The following AMOTL1 variants were observed in gnomAD, a reference collection of about 807,000 sequenced individuals.
AMOTL1 encodes the protein angiomotin-like protein 1.
Under a neutral mutation model 102.9 loss-of-function variants are expected in AMOTL1, and 45 were observed. The ratio of observed to expected loss-of-function variants is 0.44; its 90% CI spans 0.34 to 0.56. AMOTL1 has a LOEUF of 0.56. Among genes scored for constraint, AMOTL1 ranks in the 20% least tolerant of loss-of-function variants. The probability of loss-of-function intolerance (pLI) is 0.01; values close to 1 mark genes in which losing one functional copy is unlikely to be tolerated. For missense variants in AMOTL1, 1,114 were observed against 1,225.6 expected (o/e 0.91, Z 1.36); for synonymous variants, 481 against 484.7 (o/e 0.99, Z 0.10).
intron 1 of AMOTL1, among the ~76,000 whole-genome samples, chr11:94,714,643 T>G (rs957284109): frequency 2.6e-5 from 4 of 152,118 alleles, no homozygotes; most frequent in Admixed American, 2.6e-4. Flanking sequence ...TCTTTGAAAT[T>G]GTTGAATTTA....
intron 3 of AMOTL1, among the ~76,000 whole-genome samples, chr11:94,742,797 T>C (rs1357615696): frequency 2.6e-5 from 4 of 152,082 alleles, no homozygotes; most frequent in Non-Finnish European, 5.9e-5. Context: ...AACTGGCAGG[T>C]TCAGTGTCTG....
chr11:94,869,115 A>C, intron 11 of AMOTL1, 83 bp from the exon 12 acceptor site: 1 of 1,405,856 alleles, frequency 7.1e-7, no homozygotes, highest in East Asian at 2.5e-5. Flanking sequence ...ATCATCAATC[A>C]ACAAGGAACA....
intron 3 of AMOTL1, among the ~76,000 whole-genome samples, chr11:94,810,349 A>G (rs1381633526): frequency 6.6e-6 from 1 of 152,208 alleles, no homozygotes; most frequent in Non-Finnish European, 1.5e-5. Flanking sequence ...TGGGTCTCCA[A>G]AAAGAGAACT....
At chr11:94,861,464 C>T (rs373382571) in intron 9 of AMOTL1, among the ~76,000 whole-genome samples, 7 of 152,170 alleles carry the variant, frequency 4.6e-5, no homozygotes, top group Non-Finnish European at 1.0e-4. Flanking sequence ...CTGCTGTCCA[C>T]GGTTGCCCTG....
intron 6 of AMOTL1, among the ~76,000 whole-genome samples, chr11:94,847,698 C>T (rs1952445067): frequency 7.2e-6 from 1 of 139,400 alleles, no homozygotes; most frequent in Non-Finnish European, 1.5e-5. Context: ...TGTTTAGCTA[C>T]AATATGATAC....
intron 1 of AMOTL1, among the ~76,000 whole-genome samples, chr11:94,793,059 C>T (rs1319104054): frequency 6.6e-6 from 1 of 152,146 alleles, no homozygotes; most frequent in Non-Finnish European, 1.5e-5. Context: ...TCTTTATACA[C>T]ATATTCATAT....
chr11:94,774,814 C>T (rs1253383772), intron 1 of AMOTL1, among the ~76,000 whole-genome samples: 1 of 152,188 alleles, frequency 6.6e-6, no homozygotes, highest in Non-Finnish European at 1.5e-5. Flanking sequence ...AGATGCTTAC[C>T]CTTTGGAATG....
Position 94,850,007 on chromosome 11 carries a change from A to G in AMOTL1, c.1649-107A>G, listed in dbSNP as rs1952498201. On this transcript the variant is annotated intron_variant, in intron 6 of 12. Coordinates refer to ENST00000433060, the MANE Select transcript of AMOTL1 (RefSeq NM_130847.3). ...AGAAACAGCAATTCAGTCCTCCATT[A>G]TTTGCATGCTTTTTTATTTTTAATC... 13 of 1,271,342 alleles carry G rather than the reference A, an allele frequency of 1.0e-5. No individual in the cohort carries two copies. In the Admixed American group the frequency reaches 1.3e-4, roughly 13 times the overall value. 78.8% of individuals were successfully genotyped at this position (1,271,342 alleles called of 1,614,324 possible).
At position 94,869,526 on chromosome 11, in the gene AMOTL1, C is replaced by T. The variant is rs890720502; in HGVS notation, c.2764+53C>T. On this transcript the variant is annotated intron_variant, in intron 12 of 12. Coordinates refer to ENST00000433060, the MANE Select transcript of AMOTL1 (RefSeq NM_130847.3). ...CCTGAAAACTGTGGAACTGTCTGGC[C>T]TAAGAGAATCTTTTGTTGAGCTAGA... 3.3e-6 allele frequency: 5 copies of T among 1,504,600 alleles called. No homozygotes were observed. The African/African-American group carries it at 6.9e-5, about 21-fold the overall frequency. 93.2% of individuals were successfully genotyped at this position (1,504,600 alleles called of 1,614,324 possible). A position where few individuals can be genotyped will look rare whatever the true frequency, so the allele number is the denominator to read the frequency against.
intron 1 of AMOTL1, among the ~76,000 whole-genome samples, chr11:94,724,447 A>G (rs538996524): frequency 2.0e-5 from 3 of 152,286 alleles, no homozygotes; most frequent in Admixed American, 2.0e-4. Flanking sequence ...GCTCCTTATC[A>G]CTGGTAGTAT....
At chr11:94,833,185 G>A (rs988733277) in intron 6 of AMOTL1, among the ~76,000 whole-genome samples, 3 of 152,198 alleles carry the variant, frequency 2.0e-5, no homozygotes, top group African/African-American at 7.2e-5. Flanking sequence ...GGATCTCAGT[G>A]TCGATATGTA....
intron 6 of AMOTL1, among the ~76,000 whole-genome samples, chr11:94,837,331 G>A (rs889894603): frequency 4.3e-4 from 65 of 152,184 alleles, no homozygotes; most frequent in African/African-American, 1.5e-3. Flanking sequence ...GCTAACCAGT[G>A]ACAGGAAATG....
chr11:94,762,222 G>A (rs1950802417), intron 3 of AMOTL1, among the ~76,000 whole-genome samples: 1 of 152,188 alleles, frequency 6.6e-6, no homozygotes, highest in African/African-American at 2.4e-5. Flanking sequence ...GCTGCTATTA[G>A]TATGCAATTA....
At chr11:94,822,003 A>C (rs1488475489) in intron 4 of AMOTL1, among the ~76,000 whole-genome samples, 182 bp downstream of exon 4, 1 of 152,184 alleles carries the variant, frequency 6.6e-6, no homozygotes. Flanking sequence ...CTTACATTCC[A>C]AAAAGGGGAG....
chr11:94,720,936 C>T (rs1950166484), intron 1 of AMOTL1, among the ~76,000 whole-genome samples: 1 of 152,086 alleles, frequency 6.6e-6, no homozygotes, highest in Non-Finnish European at 1.5e-5. Context: ...CCAGGCCAAG[C>T]ATTAAGTCAG....
chr11:94,826,823 T>TC (rs1370628771), intron 4 of AMOTL1, among the ~76,000 whole-genome samples: 3 of 152,208 alleles, frequency 2.0e-5, no homozygotes, highest in Admixed American at 2.0e-4. Context: ...GATTAGTCTT[T>TC]CTCTACCATT....
chr11:94,799,847 C>T lies in AMOTL1; in HGVS notation c.657C>T (p.Tyr219=). The change falls in exon 3 of 13, where the codon TAC becomes TAT. Residue 219 remains tyrosine (Y), a synonymous_variant. Coordinates refer to ENST00000433060, the MANE Select transcript of AMOTL1 (RefSeq NM_130847.3). The surrounding 1 kb of genome is among the most constrained non-coding windows in gnomAD (Gnocchi z 4.5). ...QQQGAVGHGY[Y]MAGGTSQKSR... The stretch of plus-strand genomic sequence containing the variant: ...AGGGGGCGGTGGGCCATGGTTACTA[C>T]ATGGCAGGGGGCACCAGTCAGAAGT... 1 of 1,591,824 alleles carries T rather than the reference C, an allele frequency of 6.3e-7. No individual in the cohort carries two copies. The highest frequency in any genetic ancestry group is 8.6e-7 in the Non-Finnish European group (1 of 1,168,782).
At chr11:94,786,370 T>C (rs1951189175) in intron 1 of AMOTL1, among the ~76,000 whole-genome samples, 1 of 152,168 alleles carries the variant, frequency 6.6e-6, no homozygotes, top group African/African-American at 2.4e-5. Context: ...TTTTTTTATT[T>C]ACCGCAAGTG....
chr11:94,753,281 T>C (rs2135492055), intron 3 of AMOTL1, among the ~76,000 whole-genome samples: 1 of 151,576 alleles, frequency 6.6e-6, no homozygotes, highest in South Asian at 2.1e-4. Context: ...CTAATAAATA[T>C]TATTCTCATC....
Sources: gnomAD v4.1 joint callset for allele counts (sites outside exome capture counted in the v4.1 genomes callset) on GRCh38, gnomAD v4.1.1 for gene constraint, Gnocchi (gnomAD v3.1) non-coding constraint, MANE v1.5 for transcripts, NCBI Gene and HGNC (gene_info 2026-07-23, HGNC 2026-07-21) for gene names.